VMP1: variants seen among roughly 807,000 people sequenced by gnomAD.
VMP1 encodes the protein ectopic P-granules autophagy protein 3 homolog.
Under a neutral mutation model 56.0 loss-of-function variants are expected in VMP1, and 11 were observed. That is an observed-to-expected ratio of 0.20 (90% confidence interval 0.12 to 0.32). VMP1 has a LOEUF of 0.32. Among genes scored for constraint, VMP1 ranks in the 10% least tolerant of loss-of-function variants. VMP1 has a pLI of 1.00. For synonymous variants in VMP1, 149 were observed against 165.0 expected, an observed-to-expected ratio of 0.90 and a Z score of 0.74; for missense variants, 296 against 490.3, an observed-to-expected ratio of 0.60 and a Z score of 3.74.
At chr17:59,747,695 G>C (rs2035478679) in intron 5 of VMP1, among the ~76,000 whole-genome samples, 1 of 151,302 alleles carries the variant, frequency 6.6e-6, no homozygotes, top group Admixed American at 6.6e-5. Context: ...ACAGACATGA[G>C]CCACAGTGCC....
intron 9 of VMP1, among the ~76,000 whole-genome samples, chr17:59,815,869 A>AAT (rs1375256715): frequency 7.2e-6 from 1 of 138,010 alleles, no homozygotes; most frequent in Non-Finnish European, 1.6e-5. Flanking sequence ...AAAAAAAAAA[A>AAT]AAAAAAAGAT....
Position 59,838,373 on chromosome 17 carries a change from C to T in VMP1, c.1053C>T (p.His351=), listed in dbSNP as rs765665233. Residue 351 remains histidine (H), a synonymous_variant, in exon 11 of 12, where the codon CAC becomes CAT. Transcript: ENST00000262291. ...YLEAQRQKLH[H]KSEMGTPQGE... is the part of the protein sequence containing the mutation. ...AGGCTCAACGGCAGAAGCTTCACCA[C>T]AAAAGCGAAATGGGCACACCACAGG... 4 of 1,614,102 alleles carry T rather than the reference C, an allele frequency of 2.5e-6. No homozygotes were observed. The highest frequency in any genetic ancestry group is 3.4e-6 in the Non-Finnish European group (4 of 1,179,990).
intron 6 of VMP1, among the ~76,000 whole-genome samples, chr17:59,766,025 A>G (rs2036220354): frequency 6.6e-6 from 1 of 151,784 alleles, no homozygotes; most frequent in African/African-American, 2.4e-5. Flanking sequence ...ACTTTTATTT[A>G]TTTGGCAAAT....
chr17:59,831,826 A>AAGT (rs2038817669), intron 10 of VMP1, among the ~76,000 whole-genome samples: 1 of 151,850 alleles, frequency 6.6e-6, no homozygotes. Flanking sequence ...GAAGTTAACA[A>AAGT]TAACAAAAGT....
At chr17:59,719,657 G>T (rs1369498208) in intron 1 of VMP1, among the ~76,000 whole-genome samples, 1 of 152,006 alleles carries the variant, frequency 6.6e-6, no homozygotes, top group East Asian at 1.9e-4. Context: ...ATCCATAAAT[G>T]TTTTTTGTTT....
At chr17:59,779,226 GT>G (rs1334591838) in intron 7 of VMP1, among the ~76,000 whole-genome samples, 2 of 152,194 alleles carry the variant, frequency 1.3e-5, no homozygotes, top group African/African-American at 4.8e-5. Flanking sequence ...TCTCCATTTA[GT>G]ATGTGGACTG....
intron 1 of VMP1, among the ~76,000 whole-genome samples, chr17:59,720,488 A>G (rs546618633): frequency 2.0e-5 from 3 of 152,330 alleles, no homozygotes; most frequent in Admixed American, 2.0e-4. Context: ...TGTATAGCAT[A>G]CTAATATGGA....
chr17:59,753,244 C>T (rs2035719342), intron 5 of VMP1, among the ~76,000 whole-genome samples: 1 of 151,856 alleles, frequency 6.6e-6, no homozygotes, highest in African/African-American at 2.4e-5. Flanking sequence ...TGCACTCTAG[C>T]CTGGGCGACA....
rs1023843252 is a variant in VMP1 at position 59,732,817 on chromosome 17, C to A, written c.76+1295C>A. On this transcript the variant is annotated intron_variant, in intron 2 of 11. Coordinates refer to ENST00000262291, the MANE Select transcript of VMP1 (RefSeq NM_030938.5). ...TTAACATTAGCATGTCAAACTTACT[C>A]TTCTGTACCAGGTGTTTTTTAATAT... Among the ~76,000 whole-genome samples, 5 of 152,176 alleles carry A rather than the reference C, an allele frequency of 3.3e-5. No individual in the cohort carries two copies. The South Asian group carries it at 1.0e-3, about 31-fold the overall frequency.
chr17:59,757,907 C>T (rs2035906315), intron 5 of VMP1, among the ~76,000 whole-genome samples: 1 of 116,922 alleles, frequency 8.6e-6, no homozygotes, highest in Non-Finnish European at 1.6e-5. Flanking sequence ...CATTCTGTCA[C>T]AGTGGCGTGA....
At chr17:59,808,903 T>A in intron 8 of VMP1, 27 bp downstream of exon 8, 2 of 1,582,050 alleles carry the variant, frequency 1.3e-6, no homozygotes, top group Non-Finnish European at 1.7e-6. Flanking sequence ...AAAACAGAAC[T>A]TTTACTAAGT....
chr17:59,720,878 C>T (rs1019439564), intron 1 of VMP1, among the ~76,000 whole-genome samples: 1 of 151,932 alleles, frequency 6.6e-6, no homozygotes, highest in African/African-American at 2.4e-5. Flanking sequence ...GAGGCTGAGA[C>T]AGGAGAATCG....
chr17:59,809,235 G>A lies in VMP1; in HGVS notation c.795+359G>A, dbSNP rs562741384. 1.2e-3 allele frequency among the ~76,000 whole-genome samples: 176 copies of A among 149,052 alleles called. 1 individual carries two copies. Among genetic ancestry groups the A allele is most frequent in the African/African-American group, 4.0e-3 (164 of 40,692 alleles). Reference sequence around the variant, plus strand: ...TAGTCTCAAACTCCTGGGCCCAAGTGATCCACCTGCCTCGGCCTCCCAAAG... The same window carrying A: ...TAGTCTCAAACTCCTGGGCCCAAGTAATCCACCTGCCTCGGCCTCCCAAAG... On this transcript the variant is annotated intron_variant, in intron 8 of 11. Coordinates refer to ENST00000262291, the MANE Select transcript of VMP1 (RefSeq NM_030938.5).
intron 7 of VMP1, among the ~76,000 whole-genome samples, chr17:59,796,848 TTTGA>T (rs1382236724): frequency 6.6e-6 from 1 of 152,152 alleles, no homozygotes; most frequent in Non-Finnish European, 1.5e-5. Context: ...TTAAGAATAA[TTTGA>T]TTGACAGTCA....
intron 7 of VMP1, 144 bp downstream of exon 7, chr17:59,774,029 A>G (rs1190180887): frequency 1.1e-6 from 1 of 915,800 alleles, no homozygotes; most frequent in Non-Finnish European, 1.5e-6. Context: ...TTGAGATAGA[A>G]TATTTAGAAA....
intron 7 of VMP1, among the ~76,000 whole-genome samples, chr17:59,799,412 G>A (rs1424250072): frequency 2.0e-5 from 3 of 152,006 alleles, no homozygotes; most frequent in Non-Finnish European, 2.9e-5. Flanking sequence ...ATGTTAAAAC[G>A]TTTCATTTTC....
At chr17:59,753,164 G>A (rs1692871996) in intron 5 of VMP1, among the ~76,000 whole-genome samples, 1 of 151,844 alleles carries the variant, frequency 6.6e-6, no homozygotes, top group African/African-American at 2.4e-5. Context: ...TGTAGTCCCA[G>A]CTACTCAGGT....
chr17:59,836,036 G>A (rs976797823), intron 10 of VMP1, among the ~76,000 whole-genome samples: 2 of 150,756 alleles, frequency 1.3e-5, no homozygotes, highest in African/African-American at 2.4e-5. Context: ...GGCCAGGAGC[G>A]GTGGCTCAGT....
At position 59,821,861 on chromosome 17, in the gene VMP1, G is replaced by T. The variant is rs534399317; in HGVS notation, c.974+4088G>T. ...CACTGCACCTGGCCTTTTTTTTTTT[G>T]AGATGGAGTTTTGCTTTGTCGCCCA... On this transcript the variant is annotated intron_variant, in intron 10 of 11. Coordinates refer to ENST00000262291, the MANE Select transcript of VMP1 (RefSeq NM_030938.5). Among the ~76,000 whole-genome samples the T allele has an allele frequency of 2.8e-5, 4 of 145,434 alleles. No homozygotes were observed. In the East Asian group the frequency reaches 8.2e-4, roughly 30 times the overall value.
Sources: gnomAD v4.1 joint callset for allele counts (sites outside exome capture counted in the v4.1 genomes callset) on GRCh38, gnomAD v4.1.1 for gene constraint, MANE v1.5 for transcripts, NCBI Gene and HGNC (gene_info 2026-07-23, HGNC 2026-07-21) for gene names.